Variants in TBC1D5 observed in about 807,000 individuals in gnomAD.
TBC1D5 encodes TBC1 domain family, member 5.
Under a neutral mutation model 100.3 loss-of-function variants are expected in TBC1D5, and 75 were observed. The observed-to-expected ratio is 0.75, with a 90% confidence interval of 0.62 to 0.91. The LOEUF is 0.91. Ranked by LOEUF, TBC1D5 falls within the 40% of genes least tolerant of loss-of-function variation. The pLI, the probability that TBC1D5 is intolerant of heterozygous loss-of-function variation, is 0.00. For missense variants in TBC1D5, 910 were observed against 942.4 expected, an observed-to-expected ratio of 0.97 and a Z score of 0.45; for synonymous variants, 323 against 325.6, an observed-to-expected ratio of 0.99 and a Z score of 0.09.
chr3:17,376,742 C>T (rs2092726723), intron 9 of TBC1D5, 129 bp from the exon 10 acceptor site: 1 of 593,180 alleles, frequency 1.7e-6, no homozygotes, highest in African/African-American at 1.9e-5. Flanking sequence ...CATAGAAACA[C>T]ATAAAAACGG....
Position 17,692,999 on chromosome 3 carries a change from C to T in TBC1D5, c.-101+46344G>A, listed in dbSNP as rs1040360620. Among the ~76,000 whole-genome samples, 11 of 152,304 alleles carry T rather than the reference C, an allele frequency of 7.2e-5. No homozygotes were observed. In the East Asian group the frequency reaches 2.1e-3, roughly 29 times the overall value. On this transcript the variant is annotated intron_variant, in intron 1 of 21. Transcript: ENST00000253692. Reference sequence around the variant, plus strand: ...ACAAACATTACATGGGCGGAGCCCCCTTGGCATATGAGGCTCTGCACTGCC... The same window carrying T: ...ACAAACATTACATGGGCGGAGCCCCTTTGGCATATGAGGCTCTGCACTGCC...
intron 3 of TBC1D5, among the ~76,000 whole-genome samples, chr3:17,498,587 C>A (rs1187834357): frequency 1.3e-5 from 2 of 152,018 alleles, no homozygotes; most frequent in African/African-American, 4.8e-5. Context: ...CTCCTTTTAC[C>A]AAAAATGAGA....
At chr3:17,587,565 T>C (rs2096740194) in intron 2 of TBC1D5, among the ~76,000 whole-genome samples, 1 of 152,010 alleles carries the variant, frequency 6.6e-6, no homozygotes. Flanking sequence ...AAATGGTTTT[T>C]TGTCCTTTTA....
At chr3:17,652,782 G>A (rs535110257) in intron 1 of TBC1D5, among the ~76,000 whole-genome samples, 1 of 152,222 alleles carries the variant, frequency 6.6e-6, no homozygotes, top group East Asian at 1.9e-4. Flanking sequence ...AAAGCCAGAA[G>A]AATTAAAGAC....
intron 3 of TBC1D5, among the ~76,000 whole-genome samples, chr3:17,494,903 G>A (rs1030079970): frequency 6.6e-6 from 1 of 152,186 alleles, no homozygotes; most frequent in Non-Finnish European, 1.5e-5. Context: ...CTGGTGGCAT[G>A]GGCTCATGAG....
intron 3 of TBC1D5, among the ~76,000 whole-genome samples, chr3:17,460,684 G>A (rs1462719943): frequency 6.6e-6 from 1 of 151,018 alleles, no homozygotes; most frequent in Non-Finnish European, 1.5e-5. Flanking sequence ...TTAGCGCATA[G>A]GCCCACTCTT....
intron 3 of TBC1D5, among the ~76,000 whole-genome samples, chr3:17,436,185 C>T (rs902393745): frequency 2.0e-5 from 3 of 152,186 alleles, no homozygotes; most frequent in African/African-American, 7.2e-5. Flanking sequence ...AAAGCTAAGA[C>T]TCTACCATTT....
At position 17,543,701 on chromosome 3, in the gene TBC1D5, T is replaced by A. The variant is rs560400288; in HGVS notation, c.-35-35096A>T. Among the ~76,000 whole-genome samples, 29 of 152,146 alleles carry A rather than the reference T, an allele frequency of 1.9e-4. 2 individuals carry two copies. In the South Asian group the frequency reaches 4.4e-3, roughly 23 times the overall value. On this transcript the variant is annotated intron_variant, in intron 2 of 21. Transcript: ENST00000253692. ...ATATATAAGTCTATATTTCTATAAT[T>A]ATTTAAAGCAATAAAATTAGGTATT...
chr3:17,191,197 T>C (rs1045569463), intron 18 of TBC1D5, among the ~76,000 whole-genome samples: 9 of 152,230 alleles, frequency 5.9e-5, no homozygotes, highest in African/African-American at 1.4e-4. Flanking sequence ...AAAATCAGTA[T>C]ATACTAGGCT....
chr3:17,347,646 T>A (rs999886616), intron 13 of TBC1D5, among the ~76,000 whole-genome samples: 1 of 151,946 alleles, frequency 6.6e-6, no homozygotes, highest in African/African-American at 2.4e-5. Flanking sequence ...CCCTACACTT[T>A]CTATCACTTA....
intron 13 of TBC1D5, among the ~76,000 whole-genome samples, chr3:17,348,033 G>A (rs2090124997): frequency 6.6e-6 from 1 of 151,902 alleles, no homozygotes; most frequent in Non-Finnish European, 1.5e-5. Flanking sequence ...ATTAGATGGA[G>A]CCCCCCCACC....
intron 3 of TBC1D5, among the ~76,000 whole-genome samples, chr3:17,486,081 T>C (rs1257021846): frequency 1.3e-5 from 2 of 152,072 alleles, no homozygotes; most frequent in Admixed American, 6.5e-5. Flanking sequence ...TTTGCATTTC[T>C]CTGATGGCCA....
In TBC1D5 at chr3:17,394,729, T is replaced by A. The variant is rs534921803; in HGVS notation, c.509+8452A>T. Reference sequence around the variant, plus strand: ...TGACAAGTGATCTCTCAAGTAGTATTTGCTGAATGGACAAATATACCTACA... The same window carrying A: ...TGACAAGTGATCTCTCAAGTAGTATATGCTGAATGGACAAATATACCTACA... On this transcript the variant is annotated intron_variant, in intron 8 of 21. Coordinates refer to ENST00000253692, the Ensembl canonical transcript of TBC1D5. 5.9e-5 allele frequency among the ~76,000 whole-genome samples: 9 copies of A among 152,218 alleles called. No individual in the cohort carries two copies. The East Asian group carries it at 1.7e-3, about 29-fold the overall frequency.
intron 18 of TBC1D5, among the ~76,000 whole-genome samples, chr3:17,187,019 T>C (rs1043471063): frequency 6.6e-6 from 1 of 152,198 alleles, no homozygotes; most frequent in Non-Finnish European, 1.5e-5. Flanking sequence ...CAGGGCTTTT[T>C]TTCTACTCTT....
intron 13 of TBC1D5, among the ~76,000 whole-genome samples, chr3:17,349,989 T>A (rs531960771): frequency 2.0e-5 from 3 of 152,192 alleles, no homozygotes; most frequent in African/African-American, 7.2e-5. Context: ...ATAAATTATA[T>A]TTTATTGTTG....
intron 1 of TBC1D5, among the ~76,000 whole-genome samples, chr3:17,735,624 G>A (rs1388521913): frequency 6.6e-6 from 1 of 152,176 alleles, no homozygotes; most frequent in Non-Finnish European, 1.5e-5. Flanking sequence ...GGTCACAGAA[G>A]AGAACCATGG....
At chr3:17,238,520 G>A in intron 16 of TBC1D5, 101 bp from the exon 17 acceptor site, 1 of 1,340,814 alleles carries the variant, frequency 7.5e-7, no homozygotes, top group Non-Finnish European at 9.9e-7. Context: ...CTTTGAAAAA[G>A]GTCATTTACT....
chr3:17,651,701 A>T (rs1169767733), intron 1 of TBC1D5, among the ~76,000 whole-genome samples: 1 of 152,144 alleles, frequency 6.6e-6, no homozygotes, highest in African/African-American at 2.4e-5. Flanking sequence ...TCGTCTCAAA[A>T]AAAAAAAAAT....
chr3:17,363,470 A>G (rs1412379581), intron 13 of TBC1D5, among the ~76,000 whole-genome samples: 1 of 150,570 alleles, frequency 6.6e-6, no homozygotes, highest in African/African-American at 2.4e-5. Flanking sequence ...TTATTTTTTT[A>G]TTTTTTAGAG....
Sources: allele counts gnomAD v4.1 joint callset (sites outside exome capture counted in the v4.1 genomes callset), GRCh38; gene constraint gnomAD v4.1.1; transcripts MANE v1.5; gene names NCBI Gene and HGNC (gene_info 2026-07-23, HGNC 2026-07-21).